PTPRN2: variants seen among roughly 807,000 people sequenced by gnomAD.
PTPRN2 encodes the protein receptor-type tyrosine-protein phosphatase N2.
Under a neutral mutation model 118.8 loss-of-function variants are expected in PTPRN2, and 74 were observed. The observed-to-expected ratio is 0.62, with a 90% CI of 0.52 to 0.76. The LOEUF (loss-of-function observed/expected upper bound fraction) is 0.76. PTPRN2 is among the 30% of genes least tolerant of loss of function. The pLI, the probability that PTPRN2 is intolerant of heterozygous loss-of-function variation, is 0.00. For missense variants in PTPRN2, 1,481 were observed against 1,394.4 expected, an observed-to-expected ratio of 1.06 and a Z score of -0.99; for synonymous variants, 641 against 608.0, an observed-to-expected ratio of 1.05 and a Z score of -0.80.
rs1470093932 is a variant in PTPRN2, at chr7:158,333,255, G to A, written c.164-16323C>T. Among the ~76,000 whole-genome samples, 667 of 106,040 alleles carry A rather than the reference G, an allele frequency of 6.3e-3. 64 individuals are homozygous for A. Among genetic ancestry groups the A allele is most frequent in the African/African-American group, 0.026 (608 of 23,138 alleles). The allele number at this position is 106,040 out of a possible 152,430, so 69.6% of individuals were successfully genotyped here. A position where few individuals can be genotyped will look rare whatever the true frequency, so the allele number is the denominator to read the frequency against. The stretch of plus-strand genomic sequence containing the variant: ...CCACACTCTCCCCAAAAGAGCTGTC[G>A]CCCGCAGGAGTCACTCACACCCACA... On this transcript the variant is annotated intron_variant, in intron 2 of 22. Transcript: ENST00000389418.
Position 158,003,511 on chromosome 7 carries a change from C to G in PTPRN2, c.1723+77787G>C, listed in dbSNP as rs1805429371. Among the ~76,000 whole-genome samples, 1 of 151,888 alleles carries G rather than the reference C, an allele frequency of 6.6e-6. No homozygotes were observed. Among genetic ancestry groups the G allele is most frequent in the Non-Finnish European group, 1.5e-5 (1 of 67,960 alleles). ...GGAAGAGACACACAGCCTGCATCTA[C>G]ACAGAAGGACAGCCCCTGAGGACGT... On this transcript the variant is annotated intron_variant, in intron 11 of 22. Transcript: ENST00000389418. The surrounding 1 kb of genome is among the most constrained non-coding windows in gnomAD (Gnocchi z 5.0).
At chr7:158,035,900 T>C (rs1808058163) in intron 11 of PTPRN2, among the ~76,000 whole-genome samples, 1 of 151,996 alleles carries the variant, frequency 6.6e-6, no homozygotes. Context: ...TAGAAAACAA[T>C]CTGTAATGAG....
intron 8 of PTPRN2, among the ~76,000 whole-genome samples, chr7:158,135,880 G>A (rs4349931): frequency 0.33 from 50,175 of 152,110 alleles, 8,488 homozygotes; most frequent in East Asian, 0.5. Context: ...CCAAAACTGG[G>A]TTTCCCAGAA....
Position 158,522,460 on chromosome 7 carries a change from A to G in PTPRN2, c.113-32675T>C, listed in dbSNP as rs561322785. On this transcript the variant is annotated intron_variant, in intron 1 of 22. Coordinates refer to ENST00000389418, the MANE Select transcript of PTPRN2 (RefSeq NM_002847.5). The stretch of plus-strand genomic sequence containing the variant: ...ATCGGAATGGTAGACTGTTTAGGAG[A>G]AAGGTCCACGTCAGAATGGTGGACT... Among the ~76,000 whole-genome samples, 100 of 149,736 alleles carry G rather than the reference A, an allele frequency of 6.7e-4. 5 individuals are homozygous for G. The highest frequency in any genetic ancestry group is 2.2e-3 in the African/African-American group (89 of 39,962).
rs550249916 is a variant in PTPRN2, at chr7:158,587,444, C to G, written c.112+114G>C. On this transcript the variant is annotated intron_variant, in intron 1 of 22. Transcript: ENST00000389418. The stretch of plus-strand genomic sequence containing the variant: ...ACCCCTCACAGAGGCGCCTCTCCCC[C>G]CGACCCCTCAGGGTGGCGCCTCTCC... 374 of 507,408 alleles carry G rather than the reference C, an allele frequency of 7.4e-4. 5 individuals are homozygous for G. In the African/African-American group the frequency reaches 0.01, roughly 14 times the overall value. The allele number at this position is 507,408 out of a possible 1,614,324, so 31.4% of individuals were successfully genotyped here.
rs1172617837 is a variant in PTPRN2 at position 157,560,847 on chromosome 7, C to T, written c.2902+8055G>A. ...ACTGGCCCTTCGTGTTTTCATGTTTCAGCCAAACATAAAAGCGAGACGTCT... is the reference window on the plus strand; with the variant it reads ...ACTGGCCCTTCGTGTTTTCATGTTTTAGCCAAACATAAAAGCGAGACGTCT... On this transcript the variant is annotated intron_variant, in intron 21 of 22. Coordinates refer to ENST00000389418, the MANE Select transcript of PTPRN2 (RefSeq NM_002847.5). The surrounding 1 kb of genome is among the most constrained non-coding windows in gnomAD (Gnocchi z 6.7). Among the ~76,000 whole-genome samples the T allele has an allele frequency of 6.6e-6, 1 of 152,166 alleles. No homozygotes were observed. The highest frequency in any genetic ancestry group is 1.9e-4 in the East Asian group (1 of 5,194).
At chr7:157,884,180 C>G (rs1796331277) in intron 12 of PTPRN2, among the ~76,000 whole-genome samples, 2 of 151,848 alleles carry the variant, frequency 1.3e-5, no homozygotes, top group Admixed American at 1.3e-4. Context: ...TGTCAGAGAC[C>G]AGAACATACC....
rs982511783 is a variant in PTPRN2, at chr7:158,509,336, G to A, written c.113-19551C>T. Among the ~76,000 whole-genome samples, 1 of 152,158 alleles carries A rather than the reference G, an allele frequency of 6.6e-6. No individual in the cohort carries two copies. The highest frequency in any genetic ancestry group is 1.5e-5 in the Non-Finnish European group (1 of 68,018). ...CCCTGATCCCTAACGTGCAATCGGG[G>A]CTGGAGCCGGAGACCCCTCCACCCT... On this transcript the variant is annotated intron_variant, in intron 1 of 22. Coordinates refer to ENST00000389418, the MANE Select transcript of PTPRN2 (RefSeq NM_002847.5). This position sits in a 1 kb window ranked among gnomAD's most constrained non-coding sequence, Gnocchi z 4.4.
chr7:157,833,127 G>A (rs573035592), intron 12 of PTPRN2, among the ~76,000 whole-genome samples: 2 of 150,966 alleles, frequency 1.3e-5, no homozygotes, highest in South Asian at 4.2e-4. Context: ...GATGTGGCTG[G>A]TGCCCATCCA....
At chr7:158,413,320 G>A (rs1814356185) in intron 2 of PTPRN2, among the ~76,000 whole-genome samples, 1 of 152,234 alleles carries the variant, frequency 6.6e-6, no homozygotes, top group Non-Finnish European at 1.5e-5. Flanking sequence ...ACGAGAAAAG[G>A]AAAGATAATT....
chr7:158,383,453 C>T (rs187530245), intron 2 of PTPRN2, among the ~76,000 whole-genome samples: 300 of 152,294 alleles, frequency 2.0e-3, no homozygotes, highest in Non-Finnish European at 3.5e-3. Flanking sequence ...GGAGAGATTG[C>T]CCTCACCCTT....
intron 2 of PTPRN2, among the ~76,000 whole-genome samples, chr7:158,328,868 G>A (rs1019186733): frequency 1.3e-4 from 20 of 148,398 alleles, no homozygotes; most frequent in South Asian, 2.2e-4. Flanking sequence ...TTCCCTGAGC[G>A]ACAAGCGGGA....
rs564089829 is a variant in PTPRN2 at position 158,455,179 on chromosome 7, C to T, written c.163+34556G>A. On this transcript the variant is annotated intron_variant, in intron 2 of 22. Transcript: ENST00000389418. Reference sequence around the variant, plus strand: ...TATTATAGAAATGTTCAAACATACACGAAAGCAGAGAAGATAACGGCACGG... The same window carrying T: ...TATTATAGAAATGTTCAAACATACATGAAAGCAGAGAAGATAACGGCACGG... Among the ~76,000 whole-genome samples the T allele has an allele frequency of 3.9e-5, 6 of 152,404 alleles. No homozygotes were observed. In the East Asian group the frequency reaches 5.8e-4, roughly 15 times the overall value.
intron 16 of PTPRN2, among the ~76,000 whole-genome samples, chr7:157,599,939 CTCTCCACCTGCCCACA>C (rs1801569867): frequency 9.1e-6 from 1 of 110,284 alleles, no homozygotes; most frequent in South Asian, 4.1e-4. Context: ...ACCTGCCCAC[CTCTCCACCTGCCCACA>C]TCTCCACCTG....
intron 12 of PTPRN2, among the ~76,000 whole-genome samples, chr7:157,791,467 AT>A (rs1804489305): frequency 6.6e-6 from 1 of 152,092 alleles, no homozygotes; most frequent in African/African-American, 2.4e-5. Context: ...GGATGCATGT[AT>A]GTGCCCGGGT....
Position 157,604,044 on chromosome 7 carries a change from C to A in PTPRN2, c.2376G>T (p.Glu792Asp). Reference protein sequence around the residue: ...YDHSRVLLKAENSHSHSDYIN... With the variant: ...YDHSRVLLKADNSHSHSDYIN... Reference sequence around the variant, plus strand: ...TGTAGTCTGAGTGGCTGTGGCTGTTCTCCGCCTTCAGCAGGACCCGGGAGT... The same window carrying A: ...TGTAGTCTGAGTGGCTGTGGCTGTTATCCGCCTTCAGCAGGACCCGGGAGT... The change falls in exon 16 of 23, where the codon GAG becomes GAT. Residue 792 changes from glutamate (E) to aspartate (D), a missense_variant. Physicochemically the swap from Glu to Asp is conservative, Grantham distance 45 (BLOSUM62 2). Coordinates refer to ENST00000389418, the MANE Select transcript of PTPRN2 (RefSeq NM_002847.5). 1 of 1,613,830 alleles carries A rather than the reference C, an allele frequency of 6.2e-7. No homozygotes were observed. The highest frequency in any genetic ancestry group is 8.5e-7 in the Non-Finnish European group (1 of 1,180,020).
At chr7:157,551,027 C>T (rs536132674) in intron 21 of PTPRN2, among the ~76,000 whole-genome samples, 2 of 152,252 alleles carry the variant, frequency 1.3e-5, no homozygotes, top group East Asian at 3.9e-4. Context: ...GCCAAGGAAG[C>T]CGCTTCCTCT....
chr7:158,385,756 A>T (rs181043023), intron 2 of PTPRN2, among the ~76,000 whole-genome samples: 1 of 152,320 alleles, frequency 6.6e-6, no homozygotes, highest in East Asian at 1.9e-4. Context: ...AAATTTCCAC[A>T]GTCTCCAGGA....
In PTPRN2 at chr7:157,611,421, G is replaced by A. The variant is rs1802328459; in HGVS notation, c.2345-7346C>T. Among the ~76,000 whole-genome samples, 1 of 152,146 alleles carries A rather than the reference G, an allele frequency of 6.6e-6. No individual in the cohort carries two copies. The highest frequency in any genetic ancestry group is 1.5e-5 in the Non-Finnish European group (1 of 68,024). On this transcript the variant is annotated intron_variant, in intron 15 of 22. Coordinates refer to ENST00000389418, the MANE Select transcript of PTPRN2 (RefSeq NM_002847.5). This position sits in a 1 kb window ranked among gnomAD's most constrained non-coding sequence, Gnocchi z 5.9. ...GGCTATGCGGGGGCAGAATGCAGGGGGAACAGACGCCAAAGGTGTGTGGGG... is the reference window on the plus strand; with the variant it reads ...GGCTATGCGGGGGCAGAATGCAGGGAGAACAGACGCCAAAGGTGTGTGGGG...
Sources: gnomAD v4.1 joint callset for allele counts (sites outside exome capture counted in the v4.1 genomes callset) on GRCh38, gnomAD v4.1.1 for gene constraint, Gnocchi (gnomAD v3.1) non-coding constraint, MANE v1.5 for transcripts, NCBI Gene and HGNC (gene_info 2026-07-23, HGNC 2026-07-21) for gene names.